Variants in WWOX observed in about 807,000 individuals in gnomAD.
WWOX encodes the protein WW domain-containing oxidoreductase.
WWOX carries 69 observed loss-of-function variants against 46.2 expected under a neutral mutation model. The ratio of observed to expected loss-of-function variants is 1.49; its 90% CI spans 1.23 to 1.82. WWOX has a LOEUF of 1.82. WWOX is among the 40% of genes most tolerant of loss of function. WWOX has a pLI of 0.00. For synonymous variants in WWOX, 359 were observed against 202.6 expected (o/e 1.77, Z -6.56); for missense variants, 919 against 542.6 (o/e 1.69, Z -6.89).
intron 8 of WWOX, among the ~76,000 whole-genome samples, chr16:79,081,951 C>CA (rs1319903221): frequency 6.6e-6 from 1 of 152,168 alleles, no homozygotes; most frequent in African/African-American, 2.4e-5. Context: ...GGCTTAACTG[C>CA]AAAGGGGTGG....
chr16:78,177,745 T>C (rs2151749787), intron 5 of WWOX, among the ~76,000 whole-genome samples: 1 of 152,288 alleles, frequency 6.6e-6, no homozygotes, highest in East Asian at 1.9e-4. Context: ...CAGTCCATAC[T>C]CAGTGACTGA....
chr16:79,019,188 A>AAAAAAAAAAG (rs2047480961), intron 8 of WWOX, among the ~76,000 whole-genome samples: 5 of 60,934 alleles, frequency 8.2e-5, no homozygotes, highest in South Asian at 5.9e-4. Flanking sequence ...AAAAAAAAGA[A>AAAAAAAAAAG]AAAAAAAAGT....
chr16:79,130,150 C>T (rs372645066), intron 8 of WWOX, among the ~76,000 whole-genome samples: 2 of 152,310 alleles, frequency 1.3e-5, no homozygotes, highest in South Asian at 4.1e-4. Context: ...CCCAAGCTCA[C>T]AGTCACAGGC....
At chr16:78,540,014 T>TCACACA (rs1489472379) in intron 8 of WWOX, among the ~76,000 whole-genome samples, 2 of 127,486 alleles carry the variant, frequency 1.6e-5, no homozygotes, top group African/African-American at 2.8e-5. Context: ...TCTCTCTCTC[T>TCACACA]CTCTCTCACA....
chr16:78,196,748 A>T (rs1026673630), intron 5 of WWOX, among the ~76,000 whole-genome samples: 4 of 152,122 alleles, frequency 2.6e-5, no homozygotes, highest in African/African-American at 9.7e-5. Flanking sequence ...TATTGGCCCT[A>T]TTTTGCTTCT....
chr16:78,797,399 A>C (rs1422980489), intron 8 of WWOX, among the ~76,000 whole-genome samples: 1 of 150,762 alleles, frequency 6.6e-6, no homozygotes, highest in Non-Finnish European at 1.5e-5. Flanking sequence ...AAATATAAAA[A>C]GGCAGCCCCG....
At chr16:78,248,996 A>G (rs1187394931) in intron 5 of WWOX, among the ~76,000 whole-genome samples, 3 of 151,130 alleles carry the variant, frequency 2.0e-5, no homozygotes, top group Non-Finnish European at 2.9e-5. Context: ...AGCTGGGACT[A>G]CAGGCACGTG....
At chr16:78,667,720 G>A (rs943765899) in intron 8 of WWOX, among the ~76,000 whole-genome samples, 4 of 145,152 alleles carry the variant, frequency 2.8e-5, no homozygotes, top group African/African-American at 1.0e-4. Flanking sequence ...ATAGAATATT[G>A]ATGAGAACAC....
At chr16:78,540,140 T>A (rs1365023321) in intron 8 of WWOX, among the ~76,000 whole-genome samples, 1 of 151,700 alleles carries the variant, frequency 6.6e-6, no homozygotes, top group Admixed American at 6.6e-5. Flanking sequence ...AATTTCTGCC[T>A]GAGAGAGTGA....
intron 8 of WWOX, among the ~76,000 whole-genome samples, chr16:78,647,457 G>C (rs146877954): frequency 9.9e-5 from 15 of 152,108 alleles, no homozygotes; most frequent in Admixed American, 9.8e-4. Context: ...TCATGGACCC[G>C]TTCAGTACAC....
intron 7 of WWOX, among the ~76,000 whole-genome samples, chr16:78,426,260 G>C (rs1403718846): frequency 6.6e-6 from 1 of 152,164 alleles, no homozygotes; most frequent in Non-Finnish European, 1.5e-5. Context: ...AGGCTACTGT[G>C]GGGGCAGGCA....
chr16:78,446,128 GGTATCA>G (rs2083555500), intron 8 of WWOX, among the ~76,000 whole-genome samples: 1 of 152,106 alleles, frequency 6.6e-6, no homozygotes, highest in African/African-American at 2.4e-5. Flanking sequence ...GTGATAAAAA[GGTATCA>G]GTAGGGATCA....
chr16:79,126,589 A>T (rs531073215), intron 8 of WWOX, among the ~76,000 whole-genome samples: 1 of 152,136 alleles, frequency 6.6e-6, no homozygotes, highest in Admixed American at 6.5e-5. Context: ...CTCCCCAGTC[A>T]TGTGAAACGG....
chr16:78,868,803 C>T (rs914854010), intron 8 of WWOX, among the ~76,000 whole-genome samples: 2 of 152,172 alleles, frequency 1.3e-5, no homozygotes, highest in African/African-American at 4.8e-5. Flanking sequence ...CATTAATAAT[C>T]TGGCAGGAGA....
rs931297085 is a variant in WWOX, at chr16:78,547,136, A to C, written c.1056+114384A>C. ...GTGAGACCTTGTCTCAGAAAAAAAA[A>C]AAAAAAAAAAAAAAAAAAAAAAACA... On this transcript the variant is annotated intron_variant, in intron 8 of 8. Transcript: ENST00000566780. 1.1e-3 allele frequency among the ~76,000 whole-genome samples: 43 copies of C among 40,932 alleles called. 1 individual carries two copies. The highest frequency in any genetic ancestry group is 1.8e-3 in the African/African-American group (42 of 23,812). 26.9% of individuals were successfully genotyped at this position (40,932 alleles called of 152,430 possible). A position where few individuals can be genotyped will look rare whatever the true frequency, so the allele number is the denominator to read the frequency against.
At chr16:78,991,751 G>T (rs930750376) in intron 8 of WWOX, among the ~76,000 whole-genome samples, 7 of 152,096 alleles carry the variant, frequency 4.6e-5, no homozygotes, top group Non-Finnish European at 7.3e-5. Flanking sequence ...GATGAAACAG[G>T]AAGGTGAGGG....
At position 78,841,954 on chromosome 16, in the gene WWOX, A is replaced by G. The variant is rs560646163; in HGVS notation, c.1057-369654A>G. ...AATTAATGCACTGGACAGAGCTGGC[A>G]GACGTGTGGGACACCCAGCTATTCT... On this transcript the variant is annotated intron_variant, in intron 8 of 8. Transcript: ENST00000566780. Among the ~76,000 whole-genome samples, 5 of 152,284 alleles carry G rather than the reference A, an allele frequency of 3.3e-5. No individual in the cohort carries two copies. In the East Asian group the frequency reaches 9.7e-4, roughly 29 times the overall value.
intron 8 of WWOX, chr16:78,896,402 C>T (rs1052557479): frequency 2.0e-5 from 3 of 152,140 alleles, no homozygotes; most frequent in East Asian, 1.9e-4. Context: ...AAACCTGGGG[C>T]CCTGAATCGT....
At chr16:78,743,081 C>A (rs988833243) in intron 8 of WWOX, among the ~76,000 whole-genome samples, 2 of 152,006 alleles carry the variant, frequency 1.3e-5, no homozygotes, top group Non-Finnish European at 2.9e-5. Context: ...ACCCGATCAG[C>A]CCCCGAAGGA....
Sources: gnomAD v4.1 joint callset for allele counts (sites outside exome capture counted in the v4.1 genomes callset) on GRCh38, gnomAD v4.1.1 for gene constraint, MANE v1.5 for transcripts, NCBI Gene and HGNC (gene_info 2026-07-23, HGNC 2026-07-21) for gene names.